Variants in PUM1 observed in about 807,000 individuals in gnomAD.
PUM1 encodes the protein pumilio homolog 1.
Under a neutral mutation model 131.8 loss-of-function variants are expected in PUM1, and 13 were observed. The observed-to-expected ratio is 0.10, with a 90% CI of 0.06 to 0.16. The LOEUF (loss-of-function observed/expected upper bound fraction) is 0.16, where lower values mean the gene tolerates loss of function less well. Ranked by LOEUF, PUM1 falls within the 10% of genes least tolerant of loss-of-function variation. The pLI is 1.00. For synonymous variants in PUM1, 509 were observed against 556.5 expected, an observed-to-expected ratio of 0.91 and a Z score of 1.20; for missense variants, 961 against 1,512.4, an observed-to-expected ratio of 0.64 and a Z score of 6.05.
chr1:31,054,122 G>T (rs1219755680), intron 2 of PUM1, among the ~76,000 whole-genome samples: 3 of 122,550 alleles, frequency 2.4e-5, no homozygotes, highest in Admixed American at 1.7e-4. Flanking sequence ...AAAAAAAAAG[G>T]AGTTTGAGAC....
chr1:31,059,633 A>C, intron 1 of PUM1, 56 bp from the exon 2 acceptor site: 1 of 1,510,224 alleles, frequency 6.6e-7, no homozygotes, highest in Non-Finnish European at 8.9e-7. Context: ...AACATAAAAC[A>C]CACTAAGATA....
At chr1:31,033,314 C>G (rs1417194690) in intron 2 of PUM1, among the ~76,000 whole-genome samples, 3 of 151,836 alleles carry the variant, frequency 2.0e-5, no homozygotes, top group East Asian at 3.9e-4. Flanking sequence ...AAGTGATCCT[C>G]CCATCTCAGC....
At chr1:30,983,369 A>G (rs1156763410) in intron 7 of PUM1, among the ~76,000 whole-genome samples, 2 of 152,192 alleles carry the variant, frequency 1.3e-5, no homozygotes, top group African/African-American at 2.4e-5. Context: ...AACATTTAAC[A>G]TATCAGCTTG....
intron 3 of PUM1, among the ~76,000 whole-genome samples, chr1:31,026,753 A>G (rs1176218983): frequency 1.3e-5 from 2 of 152,214 alleles, no homozygotes; most frequent in African/African-American, 4.8e-5. Flanking sequence ...AACTGTCCTC[A>G]TAGAGTTATT....
At chr1:31,060,930 C>G (rs1037166711) in intron 1 of PUM1, among the ~76,000 whole-genome samples, 3 of 151,524 alleles carry the variant, frequency 2.0e-5, no homozygotes, top group Non-Finnish European at 2.9e-5. Flanking sequence ...AATAAAACCT[C>G]CAATATATTG....
At chr1:30,976,773 GT>G (rs1557565613) in intron 9 of PUM1, among the ~76,000 whole-genome samples, 1 of 151,690 alleles carries the variant, frequency 6.6e-6, no homozygotes, top group Non-Finnish European at 1.5e-5. Flanking sequence ...AAGAAAAGGG[GT>G]TAAAACATTT....
At chr1:31,031,857 C>G (rs1557595292) in intron 2 of PUM1, among the ~76,000 whole-genome samples, 1 of 144,910 alleles carries the variant, frequency 6.9e-6, no homozygotes, top group Admixed American at 7.2e-5. Context: ...TTTGGATATG[C>G]GCACTCTCGC....
At chr1:30,939,928 C>T (rs991969270) in intron 20 of PUM1, among the ~76,000 whole-genome samples, 1 of 151,944 alleles carries the variant, frequency 6.6e-6, no homozygotes, top group African/African-American at 2.4e-5. Flanking sequence ...TAGGCTATAT[C>T]CAAGGGTGAG....
In PUM1 at chr1:30,962,382, C is replaced by T. The variant is rs1041783678; in HGVS notation, c.2323+2292G>A. Among the ~76,000 whole-genome samples, 11 of 152,108 alleles carry T rather than the reference C, an allele frequency of 7.2e-5. No individual in the cohort carries two copies. In the East Asian group the frequency reaches 7.7e-4, roughly 11 times the overall value. ...AGTAGTATTTCTGGCTCCATTTCCA[C>T]GCACCAAGGAACCACAGCTTTTTAT... On this transcript the variant is annotated intron_variant, in intron 14 of 21. Coordinates refer to ENST00000426105, the MANE Select transcript of PUM1 (RefSeq NM_001020658.2).
chr1:31,061,330 AATGGAGG>A (rs2124020682), intron 1 of PUM1, among the ~76,000 whole-genome samples: 1 of 152,256 alleles, frequency 6.6e-6, no homozygotes, highest in East Asian at 1.9e-4. Context: ...TAAGAAGGCC[AATGGAGG>A]TTGGGCACGG....
chr1:30,969,724 T>C (rs896184659), intron 10 of PUM1, among the ~76,000 whole-genome samples: 1 of 152,114 alleles, frequency 6.6e-6, no homozygotes, highest in African/African-American at 2.4e-5. Flanking sequence ...GAGTGTAGTG[T>C]GGCACAGTCT....
chr1:30,976,412 C>T (rs573230527), intron 9 of PUM1, among the ~76,000 whole-genome samples: 2 of 152,312 alleles, frequency 1.3e-5, no homozygotes. Flanking sequence ...TAACAGTAAC[C>T]AAACCTTCCT....
chr1:31,040,514 C>T (rs577472195), intron 2 of PUM1, among the ~76,000 whole-genome samples: 3 of 152,284 alleles, frequency 2.0e-5, no homozygotes, highest in African/African-American at 7.2e-5. Flanking sequence ...TGCTGAGAAA[C>T]TGCACAAACT....
intron 3 of PUM1, among the ~76,000 whole-genome samples, chr1:31,015,373 G>A (rs1317197478): frequency 2.7e-5 from 4 of 150,914 alleles, no homozygotes; most frequent in Non-Finnish European, 5.9e-5. Context: ...ACGGAGTCTC[G>A]CTCTGTTGCC....
chr1:31,012,684 C>T (rs962994145), intron 3 of PUM1, among the ~76,000 whole-genome samples: 3 of 151,968 alleles, frequency 2.0e-5, no homozygotes, highest in African/African-American at 7.2e-5. Flanking sequence ...TCTGGAAACA[C>T]CTTTTTTCCT....
At chr1:31,004,472 G>A (rs1314462170) in intron 5 of PUM1, among the ~76,000 whole-genome samples, 1 of 152,154 alleles carries the variant, frequency 6.6e-6, no homozygotes, top group African/African-American at 2.4e-5. Flanking sequence ...CAGAAAAAGA[G>A]GTGAGCTGGG....
intron 1 of PUM1, among the ~76,000 whole-genome samples, chr1:31,061,346 G>A (rs889413528): frequency 7.2e-5 from 11 of 152,116 alleles, no homozygotes; most frequent in Admixed American, 2.6e-4. Context: ...GGTTGGGCAC[G>A]GTGGCTCATG....
At chr1:31,004,821 G>T (rs2124507275) in intron 5 of PUM1, among the ~76,000 whole-genome samples, 1 of 152,308 alleles carries the variant, frequency 6.6e-6, no homozygotes, top group South Asian at 2.1e-4. Context: ...AGCAACAAAT[G>T]CTATTAAAGA....
chr1:31,032,199 T>C (rs577151374), intron 2 of PUM1, among the ~76,000 whole-genome samples: 2 of 152,234 alleles, frequency 1.3e-5, no homozygotes, highest in South Asian at 2.1e-4. Flanking sequence ...TTATTCATAC[T>C]GGGAGCTGTA....
Sources: allele counts gnomAD v4.1 joint callset (sites outside exome capture counted in the v4.1 genomes callset), GRCh38; gene constraint gnomAD v4.1.1; transcripts MANE v1.5; gene names NCBI Gene and HGNC (gene_info 2026-07-23, HGNC 2026-07-21).